The following AK5 variants were observed in gnomAD, a reference collection of about 807,000 sequenced individuals.
AK5 encodes adenylate kinase isoenzyme 5.
Under a neutral mutation model 69.5 loss-of-function variants are expected in AK5, and 27 were observed. The observed-to-expected ratio is 0.39, with a 90% CI of 0.29 to 0.54. The LOEUF is 0.54. Among genes scored for constraint, AK5 ranks in the 20% least tolerant of loss-of-function variants. The pLI, the probability that AK5 is intolerant of heterozygous loss-of-function variation, is 0.71. For missense variants in AK5, 531 were observed against 700.4 expected (o/e 0.76, Z 2.73); for synonymous variants, 260 against 244.4 (o/e 1.06, Z -0.60).
intron 8 of AK5, among the ~76,000 whole-genome samples, chr1:77,426,616 C>T (rs949067205): frequency 2.0e-5 from 3 of 152,144 alleles, no homozygotes; most frequent in African/African-American, 4.8e-5. Context: ...CTCAATAATA[C>T]CACCAAACAC....
chr1:77,299,508 A>G (rs1418203710), intron 5 of AK5, among the ~76,000 whole-genome samples: 1 of 152,076 alleles, frequency 6.6e-6, no homozygotes, highest in Non-Finnish European at 1.5e-5. Context: ...TGGATCACCT[A>G]TTGTGCTAGA....
chr1:77,366,581 T>A (rs1646954149), intron 6 of AK5, among the ~76,000 whole-genome samples: 1 of 152,174 alleles, frequency 6.6e-6, no homozygotes, highest in Admixed American at 6.5e-5. Flanking sequence ...ACCCCAGGAA[T>A]AAGGGTTGCA....
chr1:77,531,991 C>G (rs1264734247), intron 12 of AK5: 2 of 125,858 alleles, frequency 1.6e-5, no homozygotes, highest in African/African-American at 5.1e-5. Flanking sequence ...TGCGGCCATC[C>G]GGCCGGCCGG....
At chr1:77,430,138 A>T (rs959732932) in intron 8 of AK5, among the ~76,000 whole-genome samples, 3 of 152,146 alleles carry the variant, frequency 2.0e-5, no homozygotes, top group African/African-American at 7.2e-5. Context: ...TTCAAAAAAA[A>T]AAAACAAAAA....
At chr1:77,435,516 C>T (rs1017785531) in intron 8 of AK5, among the ~76,000 whole-genome samples, 7 of 151,796 alleles carry the variant, frequency 4.6e-5, no homozygotes, top group African/African-American at 1.7e-4. Context: ...GGCATGGTGG[C>T]GTACACCTGC....
At chr1:77,507,630 G>A (rs1225840178) in intron 10 of AK5, among the ~76,000 whole-genome samples, 1 of 152,106 alleles carries the variant, frequency 6.6e-6, no homozygotes, top group East Asian at 1.9e-4. Flanking sequence ...AGAGAGGTAT[G>A]GCCCTGATTT....
intron 1 of AK5, chr1:77,283,118 ACC>A: frequency 2.0e-6 from 2 of 985,866 alleles, no homozygotes; most frequent in Non-Finnish European, 2.4e-6. Context: ...CATCATCTGC[ACC>A]GGGACCCGGG....
intron 8 of AK5, among the ~76,000 whole-genome samples, chr1:77,474,178 C>A (rs1432117790): frequency 1.3e-5 from 2 of 152,172 alleles, no homozygotes; most frequent in African/African-American, 4.8e-5. Flanking sequence ...TCAATAGTAG[C>A]TATAGATAGC....
At chr1:77,528,878 G>A (rs893446004) in intron 12 of AK5, among the ~76,000 whole-genome samples, 8 of 152,180 alleles carry the variant, frequency 5.3e-5, no homozygotes, top group Admixed American at 3.3e-4. Flanking sequence ...AAGCAAGTCA[G>A]CTAACTTTGT....
At chr1:77,455,400 C>A (rs1182648983) in intron 8 of AK5, among the ~76,000 whole-genome samples, 2 of 152,188 alleles carry the variant, frequency 1.3e-5, no homozygotes, top group African/African-American at 4.8e-5. Flanking sequence ...CCCATCCCAC[C>A]ATGAGAAGGA....
At chr1:77,298,670 C>A (rs1300667017) in intron 5 of AK5, among the ~76,000 whole-genome samples, 2 of 149,682 alleles carry the variant, frequency 1.3e-5, no homozygotes, top group African/African-American at 4.9e-5. Flanking sequence ...CACACACACA[C>A]AAAATTAACC....
chr1:77,449,229 G>C (rs1652981685), intron 8 of AK5, among the ~76,000 whole-genome samples: 1 of 152,168 alleles, frequency 6.6e-6, no homozygotes, highest in Non-Finnish European at 1.5e-5. Context: ...CAGAAGAGGG[G>C]GGTATACCCT....
chr1:77,310,138 G>T (rs900325204), intron 5 of AK5, among the ~76,000 whole-genome samples: 1 of 152,088 alleles, frequency 6.6e-6, no homozygotes, highest in African/African-American at 2.4e-5. Context: ...TAACTTTATT[G>T]CATGTTTTGA....
intron 6 of AK5, among the ~76,000 whole-genome samples, chr1:77,371,040 T>A (rs1042480983): frequency 2.0e-5 from 3 of 152,214 alleles, no homozygotes; most frequent in Non-Finnish European, 4.4e-5. Context: ...TACCTATGAC[T>A]CCATCCCATG....
chr1:77,454,266 T>G (rs527333050), intron 8 of AK5, among the ~76,000 whole-genome samples: 1 of 152,192 alleles, frequency 6.6e-6, no homozygotes, highest in Admixed American at 6.6e-5. Context: ...ATATTCTCAC[T>G]CTCCTGGCTG....
At chr1:77,319,246 C>G (rs1660400650) in intron 5 of AK5, among the ~76,000 whole-genome samples, 2 of 152,192 alleles carry the variant, frequency 1.3e-5, no homozygotes, top group Admixed American at 1.3e-4. Context: ...TTCCTCCCTT[C>G]CTCTGATCTC....
intron 6 of AK5, among the ~76,000 whole-genome samples, chr1:77,399,677 G>A (rs973782484): frequency 1.3e-5 from 2 of 152,160 alleles, no homozygotes; most frequent in Non-Finnish European, 2.9e-5. Context: ...CCATCTCAGA[G>A]AGGCTCTTGG....
chr1:77,383,839 C>T (rs1380059100), intron 6 of AK5, among the ~76,000 whole-genome samples: 4 of 152,050 alleles, frequency 2.6e-5, no homozygotes, highest in Middle Eastern at 3.4e-3. Context: ...CCACAATGAA[C>T]TCTAGTTGAA....
In AK5 at chr1:77,282,226, C is replaced by A. The variant is rs967624355; in HGVS notation, c.-88C>A. ...GGGCTGCACCGCTGCTCGGCGCGGA[C>A]TCTGCCAGCCCCAGCTTCAGCCCCG... On this transcript the variant is annotated 5_prime_UTR_variant, in exon 1 of 14. Coordinates refer to ENST00000354567, the MANE Select transcript of AK5 (RefSeq NM_174858.3). The A allele has an allele frequency of 3.9e-5, 51 of 1,310,788 alleles. No homozygotes were observed. Among genetic ancestry groups the A allele is most frequent in the Non-Finnish European group, 4.7e-5 (45 of 957,856 alleles). 81.2% of individuals were successfully genotyped at this position (1,310,788 alleles called of 1,614,324 possible).
Sources: gnomAD v4.1 joint callset for allele counts (sites outside exome capture counted in the v4.1 genomes callset) on GRCh38, gnomAD v4.1.1 for gene constraint, MANE v1.5 for transcripts, NCBI Gene and HGNC (gene_info 2026-07-23, HGNC 2026-07-21) for gene names.